LPP: variants seen among roughly 807,000 people sequenced by gnomAD.
The protein encoded by LPP is lipoma-preferred partner.
LPP carries 38 observed loss-of-function variants against 60.4 expected under a neutral mutation model. The ratio of observed to expected loss-of-function variants is 0.63; its 90% CI spans 0.49 to 0.83. The LOEUF (loss-of-function observed/expected upper bound fraction) is 0.83. LPP is among the 40% of genes least tolerant of loss of function. The pLI, the probability that LPP is intolerant of heterozygous loss-of-function variation, is 0.00. For missense variants in LPP, 902 were observed against 783.6 expected (o/e 1.15, Z -1.80); for synonymous variants, 328 against 290.8 (o/e 1.13, Z -1.30).
chr3:188,768,174 A>C (rs990435720), intron 9 of LPP, among the ~76,000 whole-genome samples: 1 of 152,166 alleles, frequency 6.6e-6, no homozygotes, highest in Non-Finnish European at 1.5e-5. Context: ...TGAAGCTACT[A>C]CTTGCAAAAG....
intron 6 of LPP, among the ~76,000 whole-genome samples, chr3:188,543,563 A>G (rs986102989): frequency 1.3e-5 from 2 of 152,170 alleles, no homozygotes; most frequent in Non-Finnish European, 2.9e-5. Flanking sequence ...AGGCAGTTGC[A>G]TAAAGTGCTT....
chr3:188,771,360 C>G (rs1735912189), intron 9 of LPP, among the ~76,000 whole-genome samples: 1 of 151,864 alleles, frequency 6.6e-6, no homozygotes, highest in African/African-American at 2.4e-5. Context: ...ACCAGACTGG[C>G]TAACATAGTG....
Position 188,877,434 on chromosome 3 carries a change from A to T in LPP, c.*2955A>T, listed in dbSNP as rs551573687. ...CAAGAGAGACATGGAAAAGGAAAAA[A>T]ATCCACTATATCATGGGCTCTGCAG... On this transcript the variant is annotated 3_prime_UTR_variant, in exon 12 of 12. Coordinates refer to ENST00000617246, the MANE Select transcript of LPP (RefSeq NM_001375462.1). 1 of 186,454 alleles carries T rather than the reference A, an allele frequency of 5.4e-6. No homozygotes were observed. The highest frequency in any genetic ancestry group is 2.3e-5 in the African/African-American group (1 of 42,822). 11.5% of individuals were successfully genotyped at this position (186,454 alleles called of 1,614,324 possible).
intron 5 of LPP, among the ~76,000 whole-genome samples, chr3:188,524,403 AT>A (rs1819868696): frequency 6.6e-6 from 1 of 152,284 alleles, no homozygotes; most frequent in Admixed American, 6.5e-5. Flanking sequence ...TTGTATACTT[AT>A]TTTAAACAAC....
At chr3:188,657,947 G>C (rs1295093579) in intron 7 of LPP, among the ~76,000 whole-genome samples, 1 of 152,052 alleles carries the variant, frequency 6.6e-6, no homozygotes, top group African/African-American at 2.4e-5. Context: ...AATACATAAT[G>C]GTGCAGCTCA....
intron 5 of LPP, among the ~76,000 whole-genome samples, chr3:188,492,609 T>C (rs1808720380): frequency 6.6e-6 from 1 of 152,116 alleles, no homozygotes. Context: ...TGCAGGAGAA[T>C]TGCTTGAACC....
At chr3:188,732,482 G>A (rs1720961124) in intron 8 of LPP, among the ~76,000 whole-genome samples, 1 of 152,062 alleles carries the variant, frequency 6.6e-6, no homozygotes, top group South Asian at 2.1e-4. Context: ...TCCTGGCCGG[G>A]CGCAGTGGCT....
chr3:188,688,686 A>G (rs1388952200), intron 7 of LPP: 2 of 437,052 alleles, frequency 4.6e-6, no homozygotes, highest in Non-Finnish European at 4.6e-6. Context: ...GGCAACATCT[A>G]AATATGGCTT....
rs186718670 is a variant in LPP, at chr3:188,748,708, G to A, written c.1241-11405G>A. ...TGAGGCAGGAGAATCACTTGAACCC[G>A]GGAGGCAGAGGTTGCTGTGAGCCAA... On this transcript the variant is annotated intron_variant, in intron 8 of 11. Coordinates refer to ENST00000617246, the MANE Select transcript of LPP (RefSeq NM_001375462.1). Among the ~76,000 whole-genome samples, 464 of 152,164 alleles carry A rather than the reference G, an allele frequency of 3.0e-3. 3 individuals are homozygous for A. The highest frequency in any genetic ancestry group is 0.014 in the Middle Eastern group (4 of 294).
chr3:188,816,660 A>C (rs1291552359), intron 9 of LPP, among the ~76,000 whole-genome samples: 2 of 152,092 alleles, frequency 1.3e-5, no homozygotes, highest in Non-Finnish European at 2.9e-5. Flanking sequence ...TCTCTTATTT[A>C]CTTTCTTCCT....
intron 4 of LPP, among the ~76,000 whole-genome samples, chr3:188,423,451 G>A (rs1788419810): frequency 1.3e-5 from 2 of 152,146 alleles, no homozygotes; most frequent in Non-Finnish European, 1.5e-5. Flanking sequence ...AATCCTTTGG[G>A]TGTATACCCA....
intron 2 of LPP, among the ~76,000 whole-genome samples, chr3:188,293,542 G>A (rs866624397): frequency 1.6e-4 from 25 of 152,188 alleles, no homozygotes; most frequent in Non-Finnish European, 7.3e-5. Context: ...GTGGATCATC[G>A]AAGGGATAAG....
chr3:188,518,695 A>G (rs1818062680), intron 5 of LPP, among the ~76,000 whole-genome samples: 1 of 152,210 alleles, frequency 6.6e-6, no homozygotes, highest in Admixed American at 6.5e-5. Context: ...GAGATTCTGA[A>G]GGTTGTTGAA....
At chr3:188,470,278 TCATACACACA>T (rs1488657790) in intron 4 of LPP, among the ~76,000 whole-genome samples, 1 of 98,944 alleles carries the variant, frequency 1.0e-5, no homozygotes, top group East Asian at 3.0e-4. Context: ...TCTCTCTCTC[TCATACACACA>T]CACACACACA....
chr3:188,639,576 G>A (rs1168915518), intron 7 of LPP, among the ~76,000 whole-genome samples: 11 of 149,814 alleles, frequency 7.3e-5, no homozygotes, highest in African/African-American at 2.7e-4. Flanking sequence ...AGAGTGAACA[G>A]GCAACCTACA....
chr3:188,498,013 A>G (rs1193979617), intron 5 of LPP, among the ~76,000 whole-genome samples: 2 of 152,152 alleles, frequency 1.3e-5, no homozygotes, highest in Non-Finnish European at 2.9e-5. Context: ...CCCAACATGA[A>G]CTAGCTCATT....
intron 6 of LPP, among the ~76,000 whole-genome samples, chr3:188,590,998 G>A (rs1418607458): frequency 6.6e-6 from 1 of 152,182 alleles, no homozygotes; most frequent in African/African-American, 2.4e-5. Context: ...GGAGCTTGAG[G>A]ATTTTTGTTG....
intron 9 of LPP, among the ~76,000 whole-genome samples, chr3:188,789,426 G>A (rs995737909): frequency 9.2e-5 from 14 of 152,210 alleles, no homozygotes; most frequent in African/African-American, 3.4e-4. Flanking sequence ...TTCAAAAAGA[G>A]CTACTCAGGT....
At chr3:188,803,461 G>A (rs559823574) in intron 9 of LPP, among the ~76,000 whole-genome samples, 7 of 152,228 alleles carry the variant, frequency 4.6e-5, no homozygotes, top group African/African-American at 1.4e-4. Flanking sequence ...ACTTTTAGGT[G>A]TTTTATTGTT....
Sources: allele counts gnomAD v4.1 joint callset (sites outside exome capture counted in the v4.1 genomes callset), GRCh38; gene constraint gnomAD v4.1.1; transcripts MANE v1.5; gene names NCBI Gene and HGNC (gene_info 2026-07-23, HGNC 2026-07-21).